The following NRXN1 variants were observed in gnomAD, a reference collection of about 807,000 sequenced individuals.
NRXN1 encodes the protein neurexin-1.
A neutral mutation model predicts 150.9 loss-of-function variants in NRXN1; 39 were observed. The ratio of observed to expected loss-of-function variants is 0.26; its 90% CI spans 0.20 to 0.34. The LOEUF (loss-of-function observed/expected upper bound fraction) is 0.34, where lower values mean the gene tolerates loss of function less well. Ranked by LOEUF, NRXN1 falls within the 10% of genes least tolerant of loss-of-function variation. NRXN1 has a pLI of 1.00. For missense variants in NRXN1, 1,815 were observed against 1,949.9 expected (o/e 0.93, Z 1.30); for synonymous variants, 924 against 757.0 (o/e 1.22, Z -3.62).
chr2:50,599,825 A>C (rs547216154), intron 8 of NRXN1, among the ~76,000 whole-genome samples: 2 of 152,314 alleles, frequency 1.3e-5, no homozygotes, highest in South Asian at 4.1e-4. Flanking sequence ...ATAGAAATTT[A>C]ATGCATTTTT....
chr2:49,935,171 G>A (rs1337380846), intron 22 of NRXN1, among the ~76,000 whole-genome samples: 2 of 152,160 alleles, frequency 1.3e-5, no homozygotes, highest in African/African-American at 2.4e-5. Flanking sequence ...TATCAGTACA[G>A]CAATGTCATG....
At chr2:50,512,103 C>G (rs1244229758) in intron 12 of NRXN1, among the ~76,000 whole-genome samples, 2 of 152,066 alleles carry the variant, frequency 1.3e-5, no homozygotes, top group African/African-American at 2.4e-5. Flanking sequence ...TTTCCTACAG[C>G]CAACTTCAAA....
At chr2:50,995,517 A>C (rs781628564) in intron 2 of NRXN1, among the ~76,000 whole-genome samples, 1 of 151,426 alleles carries the variant, frequency 6.6e-6, no homozygotes, top group African/African-American at 2.4e-5. Flanking sequence ...AGGCAGGAAA[A>C]TCGCATGAAC....
chr2:50,940,583 G>C (rs187213628), intron 2 of NRXN1, among the ~76,000 whole-genome samples: 1 of 152,000 alleles, frequency 6.6e-6, no homozygotes, highest in East Asian at 1.9e-4. Flanking sequence ...AAAAGAAATA[G>C]TGTCAATAAC....
At chr2:50,028,116 C>T (rs1293904145) in intron 21 of NRXN1, among the ~76,000 whole-genome samples, 1 of 151,942 alleles carries the variant, frequency 6.6e-6, no homozygotes, top group African/African-American at 2.4e-5. Context: ...GCTTCTCTTA[C>T]TGTCAATGCT....
chr2:50,022,777 T>C (rs1362188659), intron 21 of NRXN1: 1 of 152,236 alleles, frequency 6.6e-6, no homozygotes, highest in African/African-American at 2.4e-5. Flanking sequence ...CCTTTCACTC[T>C]TTCTATGAAA....
chr2:50,214,570 C>T (rs1271842796), intron 18 of NRXN1, among the ~76,000 whole-genome samples: 1 of 151,822 alleles, frequency 6.6e-6, no homozygotes, highest in Non-Finnish European at 1.5e-5. Flanking sequence ...AATCTACTGC[C>T]TAGTTATAAA....
At chr2:50,053,216 C>A (rs1553533799) in intron 21 of NRXN1, 55 bp downstream of exon 21, 1 of 1,574,348 alleles carries the variant, frequency 6.4e-7, no homozygotes, top group Non-Finnish European at 8.7e-7. Flanking sequence ...GCAGAAAAGC[C>A]CACTATCATA....
intron 21 of NRXN1, among the ~76,000 whole-genome samples, chr2:50,003,359 G>T (rs924841322): frequency 3.3e-5 from 5 of 152,070 alleles, no homozygotes; most frequent in African/African-American, 1.2e-4. Flanking sequence ...ATCTCTATTT[G>T]TAATGCCAAA....
chr2:49,955,983 T>C (rs999444744), intron 21 of NRXN1, among the ~76,000 whole-genome samples: 2 of 152,150 alleles, frequency 1.3e-5, no homozygotes, highest in African/African-American at 4.8e-5. Flanking sequence ...TAGAATACTG[T>C]GGTGGCGCAT....
chr2:50,479,054 C>A (rs1340751150), intron 15 of NRXN1, among the ~76,000 whole-genome samples: 1 of 152,178 alleles, frequency 6.6e-6, no homozygotes, highest in Non-Finnish European at 1.5e-5. Flanking sequence ...ATCTTCAATA[C>A]CTTTCTGTAT....
intron 8 of NRXN1, among the ~76,000 whole-genome samples, chr2:50,577,137 T>A (rs901756917): frequency 1.3e-5 from 2 of 152,132 alleles, no homozygotes; most frequent in African/African-American, 4.8e-5. Flanking sequence ...TGATTCTTGG[T>A]GAGACGCTTC....
At chr2:50,806,002 G>A (rs879662719) in intron 5 of NRXN1, among the ~76,000 whole-genome samples, 11 of 152,008 alleles carry the variant, frequency 7.2e-5, no homozygotes, top group African/African-American at 1.2e-4. Flanking sequence ...CTTTAAGTAC[G>A]CAAAAATGAC....
At chr2:50,425,638 C>A (rs2104311913) in intron 17 of NRXN1, among the ~76,000 whole-genome samples, 1 of 152,228 alleles carries the variant, frequency 6.6e-6, no homozygotes, top group South Asian at 2.1e-4. Flanking sequence ...TAAATGCTTT[C>A]TATTCTAGGA....
chr2:50,334,783 A>C (rs1180656190), intron 17 of NRXN1, among the ~76,000 whole-genome samples: 1 of 152,226 alleles, frequency 6.6e-6, no homozygotes, highest in Non-Finnish European at 1.5e-5. Flanking sequence ...AGAAAATCCA[A>C]GTTATGTGGT....
Position 50,620,882 on chromosome 2 carries a change from C to T in NRXN1, c.1158+344G>A, listed in dbSNP as rs148728211. The T allele has an allele frequency of 4.3e-3, 1,179 of 275,812 alleles. 3 individuals are homozygous for T. The highest frequency in any genetic ancestry group is 7.0e-3 in the Non-Finnish European group (1,046 of 149,624). 17.1% of individuals were successfully genotyped at this position (275,812 alleles called of 1,614,324 possible). On this transcript the variant is annotated intron_variant, in intron 7 of 22. Coordinates refer to ENST00000401669, the MANE Select transcript of NRXN1 (RefSeq NM_001330078.2). ...CTCCAGCATTCCCAAATCAAGTTTC[C>T]ATGCCATGCATCATGAATGGTTAGA...
chr2:50,073,919 A>C (rs1696668618), intron 19 of NRXN1, among the ~76,000 whole-genome samples: 1 of 152,188 alleles, frequency 6.6e-6, no homozygotes, highest in African/African-American at 2.4e-5. Flanking sequence ...CTTGGTACTT[A>C]ATAGAGTTTA....
At chr2:50,774,251 C>G (rs1703340725) in intron 5 of NRXN1, among the ~76,000 whole-genome samples, 1 of 152,014 alleles carries the variant, frequency 6.6e-6, no homozygotes, top group Non-Finnish European at 1.5e-5. Context: ...AAAACAACAA[C>G]AACAAAAACT....
At chr2:50,451,439 T>C (rs1417069177) in intron 17 of NRXN1, among the ~76,000 whole-genome samples, 1 of 152,202 alleles carries the variant, frequency 6.6e-6, no homozygotes, top group African/African-American at 2.4e-5. Flanking sequence ...TTTTTGAAGG[T>C]ATAGCTCTTC....
Sources: allele counts gnomAD v4.1 joint callset (sites outside exome capture counted in the v4.1 genomes callset), GRCh38; gene constraint gnomAD v4.1.1; transcripts MANE v1.5; gene names NCBI Gene and HGNC (gene_info 2026-07-23, HGNC 2026-07-21).